Variants in PDE2A observed in about 807,000 individuals in gnomAD.
PDE2A encodes the protein cGMP-dependent 3',5'-cyclic phosphodiesterase.
PDE2A carries 53 observed loss-of-function variants against 133.6 expected under a neutral mutation model. That is an observed-to-expected ratio of 0.40 (90% CI 0.32 to 0.50). PDE2A has a LOEUF of 0.50. PDE2A is among the 20% of genes least tolerant of loss of function. The pLI, the probability that PDE2A is intolerant of heterozygous loss-of-function variation, is 0.73. For missense variants in PDE2A, 796 were observed against 1,232.4 expected, an observed-to-expected ratio of 0.65 and a Z score of 5.30; for synonymous variants, 491 against 490.2, an observed-to-expected ratio of 1.00 and a Z score of -0.02.
chr11:72,586,047 G>C (rs780292743), intron 14 of PDE2A, 23 bp downstream of exon 14: 5 of 1,387,046 alleles, frequency 3.6e-6, no homozygotes, highest in East Asian at 2.3e-5. Flanking sequence ...GTGCCCGAGA[G>C]AGGCTGAAGG....
intron 2 of PDE2A, among the ~76,000 whole-genome samples, chr11:72,611,885 C>A (rs1347338398): frequency 6.6e-6 from 1 of 152,150 alleles, no homozygotes; most frequent in South Asian, 2.1e-4. Flanking sequence ...CCCATTGCAC[C>A]AACTCAGGGG....
At chr11:72,624,935 G>A (rs1423516858) in intron 2 of PDE2A, among the ~76,000 whole-genome samples, 2 of 152,214 alleles carry the variant, frequency 1.3e-5, no homozygotes, top group Non-Finnish European at 2.9e-5. Context: ...GTCCCACAGT[G>A]TCTCAGTGTC....
chr11:72,612,281 AC>A (rs35209015), intron 2 of PDE2A, among the ~76,000 whole-genome samples: 2 of 41,902 alleles, frequency 4.8e-5, no homozygotes, highest in Admixed American at 7.3e-4. Context: ...ACATCCACAC[AC>A]ACACACACAC....
At chr11:72,653,327 T>C (rs569556769) in intron 1 of PDE2A, among the ~76,000 whole-genome samples, 2 of 150,666 alleles carry the variant, frequency 1.3e-5, no homozygotes, top group South Asian at 4.2e-4. Context: ...ACAAAGGGAG[T>C]TCAGAGACAG....
At chr11:72,627,962 G>A (rs575788959) in intron 2 of PDE2A, among the ~76,000 whole-genome samples, 2 of 152,264 alleles carry the variant, frequency 1.3e-5, no homozygotes, top group Non-Finnish European at 2.9e-5. Flanking sequence ...TCAGCTGCTG[G>A]CACAGGGGCT....
intron 2 of PDE2A, among the ~76,000 whole-genome samples, chr11:72,624,083 CT>C (rs1857925905): frequency 6.6e-6 from 1 of 151,992 alleles, no homozygotes; most frequent in African/African-American, 2.4e-5. Flanking sequence ...CCTCTGCCCC[CT>C]GGGTTCAAGT....
chr11:72,607,809 C>T (rs1857039872), intron 3 of PDE2A, among the ~76,000 whole-genome samples: 1 of 152,146 alleles, frequency 6.6e-6, no homozygotes, highest in African/African-American at 2.4e-5. Context: ...GGGAAGAGGA[C>T]ATTCAAGGCT....
chr11:72,589,968 G>A lies in PDE2A; in HGVS notation c.770C>T (p.Thr257Ile). The change falls in exon 10 of 31, where the codon ACC (threonine) becomes ATC (isoleucine). Residue 257 changes from threonine (T) to isoleucine (I), a missense_variant. Thr to Ile is a moderately conservative substitution (Grantham distance 89). This residue lies in a region of PDE2A where 417 missense variants were observed against 475.3 expected (regional missense o/e 0.88). Coordinates refer to ENST00000334456, the MANE Select transcript of PDE2A (RefSeq NM_002599.5). ...CAGGAGGCAGCAGCGGGATGCCCGG[G>A]TCTCCTGCTGCAGCTGAGAGAGGGA... ...LKVLQYLQQE[T>I]RASRCCLLLV... 1 of 1,612,448 alleles carries A rather than the reference G, an allele frequency of 6.2e-7. No homozygotes were observed. The highest frequency in any genetic ancestry group is 1.7e-5 in the Admixed American group (1 of 59,908).
At chr11:72,580,761 A>G in intron 24 of PDE2A, 125 bp downstream of exon 24, 1 of 953,626 alleles carries the variant, frequency 1.0e-6, no homozygotes, top group Non-Finnish European at 1.7e-6. Context: ...CCCTGGGGGA[A>G]CCTCCTCCTG....
In PDE2A at chr11:72,642,249, C is replaced by A; in HGVS notation, c.144+5G>T. On this transcript the variant is annotated splice_donor_5th_base_variant and intron_variant, in intron 2 of 30. Transcript: ENST00000334456. ...TCCTGGTGCCCAGCGCGGGGGCCCC[C>A]CTACCTGCAGGCTGTCGGCGCATGG... 1 of 1,522,122 alleles carries A rather than the reference C, an allele frequency of 6.6e-7. No individual in the cohort carries two copies. Among genetic ancestry groups the A allele is most frequent in the Non-Finnish European group, 8.8e-7 (1 of 1,136,940 alleles). 94.3% of individuals were successfully genotyped at this position (1,522,122 alleles called of 1,614,324 possible).
intron 1 of PDE2A, among the ~76,000 whole-genome samples, chr11:72,665,797 G>T (rs1356032678): frequency 6.6e-6 from 1 of 151,934 alleles, no homozygotes; most frequent in African/African-American, 2.4e-5. Context: ...TTTGAGCCCA[G>T]ATAGGCCTCC....
intron 2 of PDE2A, among the ~76,000 whole-genome samples, chr11:72,630,065 G>C (rs1026525105): frequency 1.3e-5 from 2 of 152,014 alleles, no homozygotes; most frequent in African/African-American, 4.8e-5. Context: ...TTGTTTGCTC[G>C]TCAAGGCCCC....
At chr11:72,672,210 G>T (rs1237932779) in intron 1 of PDE2A, among the ~76,000 whole-genome samples, 2 of 147,454 alleles carry the variant, frequency 1.4e-5, no homozygotes, top group African/African-American at 5.0e-5. Flanking sequence ...GTCTCACTTT[G>T]TCACCCCCAG....
intron 1 of PDE2A, among the ~76,000 whole-genome samples, chr11:72,642,692 C>G (rs1390580402): frequency 1.3e-5 from 2 of 152,020 alleles, no homozygotes; most frequent in Non-Finnish European, 2.9e-5. Context: ...CCACTTCTCT[C>G]GCATCTCGCA....
At chr11:72,616,768 G>A (rs930264273) in intron 2 of PDE2A, among the ~76,000 whole-genome samples, 1 of 152,212 alleles carries the variant, frequency 6.6e-6, no homozygotes, top group Admixed American at 6.5e-5. Context: ...CAGACCGGGT[G>A]GGGGCAGCAG....
At chr11:72,670,211 T>C (rs1198468191) in intron 1 of PDE2A, among the ~76,000 whole-genome samples, 7 of 152,186 alleles carry the variant, frequency 4.6e-5, no homozygotes, top group African/African-American at 1.7e-4. Context: ...CCAGCCCCAA[T>C]GGCCCCTCCT....
intron 7 of PDE2A, 70 bp downstream of exon 7, chr11:72,591,227 C>A (rs369823766): frequency 7.6e-7 from 1 of 1,318,430 alleles, no homozygotes; most frequent in Admixed American, 1.7e-5. Flanking sequence ...AGCTCCCTGG[C>A]CAGGCCATCT....
At chr11:72,638,667 T>C (rs77945939) in intron 2 of PDE2A, among the ~76,000 whole-genome samples, 2,447 of 140,462 alleles carry the variant, frequency 0.017, 82 homozygotes, top group African/African-American at 0.059. Flanking sequence ...TAAAGACTTT[T>C]GGACAATTGC....
chr11:72,599,090 A>G (rs78799431), intron 4 of PDE2A: 1 of 948,868 alleles, frequency 1.1e-6, no homozygotes, highest in East Asian at 1.2e-4. Flanking sequence ...AATCTGGTTA[A>G]CCGGAGGCCA....
Sources: gnomAD v4.1 joint callset for allele counts (sites outside exome capture counted in the v4.1 genomes callset) on GRCh38, gnomAD v4.1.1 for gene constraint, gnomAD v4.1.1 regional missense constraint, MANE v1.5 for transcripts, NCBI Gene and HGNC (gene_info 2026-07-23, HGNC 2026-07-21) for gene names.